CADM2: variants seen among roughly 807,000 people sequenced by gnomAD.
The protein encoded by CADM2 is immunoglobulin superfamily member 4D.
CADM2 carries 12 observed loss-of-function variants against 49.8 expected under a neutral mutation model. The ratio of observed to expected loss-of-function variants is 0.24; its 90% CI spans 0.15 to 0.39. The LOEUF (loss-of-function observed/expected upper bound fraction) is 0.39. Among genes scored for constraint, CADM2 ranks in the 10% least tolerant of loss-of-function variants. The pLI is 1.00. For synonymous variants in CADM2, 214 were observed against 175.4 expected (o/e 1.22, Z -1.74); for missense variants, 378 against 492.3 (o/e 0.77, Z 2.20).
intron 1 of CADM2, among the ~76,000 whole-genome samples, chr3:85,048,134 C>T (rs1032375309): frequency 4.0e-5 from 6 of 151,748 alleles, no homozygotes; most frequent in Non-Finnish European, 5.9e-5. Context: ...ATGTTAAGTG[C>T]CAAGACGATG....
rs1004065724 is a variant in CADM2 at position 85,133,921 on chromosome 3, G to C, written c.61+174253G>C. Among the ~76,000 whole-genome samples, 7 of 152,218 alleles carry C rather than the reference G, an allele frequency of 4.6e-5. 1 individual carries two copies. Among genetic ancestry groups the C allele is most frequent in the African/African-American group, 1.7e-4 (7 of 41,462 alleles). Reference sequence around the variant, plus strand: ...CGCCGTGGAGCAGGGGGCGGCGCTCGTCGGGGAGGCTCAGGCCGCACAGGA... The same window carrying C: ...CGCCGTGGAGCAGGGGGCGGCGCTCCTCGGGGAGGCTCAGGCCGCACAGGA... On this transcript the variant is annotated intron_variant, in intron 1 of 9. Transcript: ENST00000383699.
chr3:85,439,383 C>A (rs937553184), intron 1 of CADM2, among the ~76,000 whole-genome samples: 12 of 149,812 alleles, frequency 8.0e-5, no homozygotes, highest in African/African-American at 2.7e-4. Flanking sequence ...GGACTCCTGA[C>A]CTCAGCTGAT....
At chr3:85,739,488 G>T (rs1030655657) in intron 2 of CADM2, among the ~76,000 whole-genome samples, 9 of 151,930 alleles carry the variant, frequency 5.9e-5, no homozygotes, top group African/African-American at 1.9e-4. Context: ...AAATATAAAT[G>T]CAGAATTCAG....
intron 1 of CADM2, among the ~76,000 whole-genome samples, chr3:85,344,419 A>ATAAATAAT (rs2030345071): frequency 1.4e-5 from 2 of 144,340 alleles, no homozygotes; most frequent in Non-Finnish European, 3.0e-5. Flanking sequence ...AAATAAATAA[A>ATAAATAAT]TAATAATTAT....
At chr3:85,944,379 C>G (rs1722368412) in intron 7 of CADM2, among the ~76,000 whole-genome samples, 1 of 152,014 alleles carries the variant, frequency 6.6e-6, no homozygotes, top group African/African-American at 2.4e-5. Flanking sequence ...AGAAAGTTAA[C>G]AGGGATATCC....
chr3:85,488,041 C>T (rs2039502873), intron 1 of CADM2, among the ~76,000 whole-genome samples: 1 of 152,006 alleles, frequency 6.6e-6, no homozygotes, highest in Non-Finnish European at 1.5e-5. Context: ...ATCAATATAA[C>T]AGTTCTTAAA....
At chr3:85,237,595 G>A (rs902326900) in intron 1 of CADM2, among the ~76,000 whole-genome samples, 2 of 150,946 alleles carry the variant, frequency 1.3e-5, no homozygotes, top group African/African-American at 2.4e-5. Flanking sequence ...TAATACAAAA[G>A]CAAACACTGA....
chr3:85,559,676 ACAC>A (rs1559909760), intron 1 of CADM2, among the ~76,000 whole-genome samples: 1 of 127,422 alleles, frequency 7.8e-6, no homozygotes, highest in Non-Finnish European at 1.7e-5. Context: ...ACACACACAC[ACAC>A]ACACACACAT....
chr3:85,129,423 G>C (rs2039151801), intron 1 of CADM2, among the ~76,000 whole-genome samples: 1 of 151,914 alleles, frequency 6.6e-6, no homozygotes, highest in Non-Finnish European at 1.5e-5. Flanking sequence ...AAGAAATGAT[G>C]GCCACTATCA....
intron 1 of CADM2, among the ~76,000 whole-genome samples, chr3:85,070,265 T>C (rs2036677318): frequency 1.3e-5 from 2 of 152,182 alleles, no homozygotes; most frequent in African/African-American, 2.4e-5. Context: ...TTTAAACATA[T>C]GCCTATATAG....
intron 1 of CADM2, among the ~76,000 whole-genome samples, chr3:85,684,856 C>G (rs567690266): frequency 6.6e-6 from 1 of 152,288 alleles, no homozygotes; most frequent in South Asian, 2.1e-4. Flanking sequence ...TATGGGGCTA[C>G]AATTCAAGAT....
At chr3:85,245,563 C>T (rs1293253467) in intron 1 of CADM2, among the ~76,000 whole-genome samples, 2 of 151,694 alleles carry the variant, frequency 1.3e-5, no homozygotes, top group African/African-American at 4.8e-5. Context: ...AGAATTTCAC[C>T]TGAGGTTTTC....
At chr3:84,966,108 T>G (rs1480776530) in intron 1 of CADM2, among the ~76,000 whole-genome samples, 2 of 152,192 alleles carry the variant, frequency 1.3e-5, no homozygotes, top group Non-Finnish European at 2.9e-5. Context: ...GTTGGTCCTG[T>G]TAATGTGTTC....
At chr3:85,452,653 G>A (rs1253862005) in intron 1 of CADM2, among the ~76,000 whole-genome samples, 2 of 151,970 alleles carry the variant, frequency 1.3e-5, no homozygotes. Context: ...ATTCTCTTTC[G>A]TTTGGACTCC....
intron 1 of CADM2, among the ~76,000 whole-genome samples, chr3:85,014,797 A>C (rs1315756763): frequency 1.3e-5 from 2 of 152,118 alleles, no homozygotes; most frequent in Admixed American, 1.3e-4. Context: ...TAATCTAGGA[A>C]ATTACATACC....
At chr3:85,118,521 T>A (rs2038730190) in intron 1 of CADM2, among the ~76,000 whole-genome samples, 1 of 152,096 alleles carries the variant, frequency 6.6e-6, no homozygotes, top group African/African-American at 2.4e-5. Context: ...AACTCCCCTT[T>A]ATAAAGCCAT....
At chr3:85,256,318 A>C (rs547414321) in intron 1 of CADM2, among the ~76,000 whole-genome samples, 118 of 152,152 alleles carry the variant, frequency 7.8e-4, no homozygotes, top group Non-Finnish European at 9.3e-4. Context: ...TGTCATTTTC[A>C]TCAGCCTGAA....
intron 1 of CADM2, among the ~76,000 whole-genome samples, chr3:85,591,031 A>G (rs1167639492): frequency 6.6e-6 from 1 of 151,878 alleles, no homozygotes; most frequent in Non-Finnish European, 1.5e-5. Flanking sequence ...TGTGAGGAAA[A>G]TAAGAGTTTG....
intron 1 of CADM2, among the ~76,000 whole-genome samples, chr3:85,067,304 T>C (rs2036562652): frequency 3.9e-5 from 6 of 152,094 alleles, no homozygotes; most frequent in Admixed American, 3.9e-4. Context: ...TTTGTGTGTG[T>C]GTGTGGTTTT....
Sources: gnomAD v4.1 joint callset for allele counts (sites outside exome capture counted in the v4.1 genomes callset) on GRCh38, gnomAD v4.1.1 for gene constraint, MANE v1.5 for transcripts, NCBI Gene and HGNC (gene_info 2026-07-23, HGNC 2026-07-21) for gene names.